INSL6: variants seen among roughly 807,000 people sequenced by gnomAD.
The protein encoded by INSL6 is insulin like 6, also known as insulin-like peptide INSL6.
INSL6 carries 16 observed loss-of-function variants against 9.4 expected under a neutral mutation model. That is an observed-to-expected ratio of 1.70 (90% confidence interval 1.15 to 2.59). The LOEUF is 2.59. Ranked by LOEUF, INSL6 falls within the 30% of genes most tolerant of loss-of-function variation. The pLI is 0.00. For missense variants in INSL6, 391 were observed against 257.3 expected (o/e 1.52, Z -3.56); for synonymous variants, 154 against 96.9 (o/e 1.59, Z -3.46).
At chr9:5,034,204 A>G in the INSL6 span, among the ~76,000 whole-genome samples, 1 of 152,340 alleles carries the variant, frequency 6.6e-6, no homozygotes, top group East Asian at 1.9e-4. Context: ...TCCTAAATAT[A>G]TATGCACCCA....
the INSL6 span, among the ~76,000 whole-genome samples, chr9:5,105,531 C>T: frequency 1.3e-5 from 2 of 152,186 alleles, no homozygotes; most frequent in East Asian, 3.8e-4. Context: ...ATCAAGCTAC[C>T]AATGACTTTT....
intron 1 of INSL6, 76 bp from the exon 2 acceptor site, chr9:5,164,341 A>C (rs936436544): frequency 2.3e-6 from 2 of 883,884 alleles, no homozygotes; most frequent in African/African-American, 3.4e-5. Flanking sequence ...TGGAACAGTA[A>C]AATCAGCTAA....
chr9:5,160,490 A>G (rs191017841), downstream of INSL6, among the ~76,000 whole-genome samples: 304 of 152,316 alleles, frequency 2.0e-3, 2 homozygotes, highest in Non-Finnish European at 3.4e-4. Context: ...AAGTGCCTAC[A>G]TCAGAAAGGC....
chr9:5,078,290 C>T, the INSL6 span: 1,140 of 1,602,904 alleles, frequency 7.1e-4, 10 homozygotes, highest in African/African-American at 0.013. Context: ...AATATATGTG[C>T]GTTTAACTCT....
chr9:5,008,022 C>T, the INSL6 span, among the ~76,000 whole-genome samples: 4 of 152,156 alleles, frequency 2.6e-5, no homozygotes, highest in African/African-American at 9.7e-5. Context: ...AGCCACCGCG[C>T]CTGGCCCTAA....
At chr9:5,129,295 A>ATTTTC (rs1224840404) in intron 3 of INSL6, among the ~76,000 whole-genome samples, 1 of 151,854 alleles carries the variant, frequency 6.6e-6, no homozygotes, top group African/African-American at 2.4e-5. Flanking sequence ...TTCAGAAGCG[A>ATTTTC]TTTTCTTTTG....
chr9:5,066,886 T>C, the INSL6 span: 1 of 489,592 alleles, frequency 2.0e-6, no homozygotes, highest in South Asian at 5.0e-5. Context: ...ATACTGAGAA[T>C]TATAGCTTTG....
chr9:5,021,651 G>A, the INSL6 span, among the ~76,000 whole-genome samples: 4 of 152,156 alleles, frequency 2.6e-5, no homozygotes, highest in African/African-American at 7.2e-5. Flanking sequence ...TTTTGAGACA[G>A]GGTCTTGCTG....
chr9:5,114,345 C>G, the INSL6 span: 2 of 536,642 alleles, frequency 3.7e-6, no homozygotes, highest in East Asian at 4.5e-5. Context: ...CATCCTAAGG[C>G]AAGAGAAGCA....
downstream of INSL6, among the ~76,000 whole-genome samples, chr9:5,121,492 G>C (rs147889348): frequency 4.7e-3 from 719 of 152,248 alleles, 4 homozygotes; most frequent in African/African-American, 0.016. Flanking sequence ...TAGTTTTGCA[G>C]CTTGGAAGGA....
the INSL6 span, among the ~76,000 whole-genome samples, chr9:5,062,647 A>G: frequency 1.4e-4 from 21 of 152,118 alleles, no homozygotes; most frequent in Non-Finnish European, 1.5e-4. Flanking sequence ...AATATTTACA[A>G]CTTTGATAGA....
chr9:5,071,918 T>C, the INSL6 span, among the ~76,000 whole-genome samples: 2 of 152,246 alleles, frequency 1.3e-5, no homozygotes, highest in African/African-American at 2.4e-5. Context: ...TTAGTAGTAA[T>C]AGCTGATACT....
chr9:5,103,260 GA>G, the INSL6 span, among the ~76,000 whole-genome samples: 3 of 117,876 alleles, frequency 2.5e-5, no homozygotes, highest in Non-Finnish European at 5.0e-5. Flanking sequence ...AAAAAAGCAG[GA>G]GTTGCAATCC....
At chr9:5,012,553 G>C in the INSL6 span, among the ~76,000 whole-genome samples, 1 of 152,066 alleles carries the variant, frequency 6.6e-6, no homozygotes, top group Non-Finnish European at 1.5e-5. Flanking sequence ...ATTAAGGGAG[G>C]CAACCCAGCC....
At chr9:5,015,423 A>G in the INSL6 span, among the ~76,000 whole-genome samples, 2 of 152,256 alleles carry the variant, frequency 1.3e-5, no homozygotes, top group African/African-American at 2.4e-5. Context: ...TTGAGTTGAC[A>G]TATGCACAAA....
At chr9:4,998,691 T>A in the INSL6 span, among the ~76,000 whole-genome samples, 1 of 151,584 alleles carries the variant, frequency 6.6e-6, no homozygotes, top group Non-Finnish European at 1.5e-5. Flanking sequence ...TCATTAAGCA[T>A]GATTCTAAGA....
chr9:5,131,377 G>A (rs539260835), intron 3 of INSL6, among the ~76,000 whole-genome samples: 2 of 149,012 alleles, frequency 1.3e-5, no homozygotes, highest in African/African-American at 5.0e-5. Context: ...CAGAATCAAA[G>A]ACTTCATCTT....
the INSL6 span, among the ~76,000 whole-genome samples, chr9:5,046,095 T>C: frequency 3.3e-5 from 5 of 152,184 alleles, no homozygotes; most frequent in Admixed American, 6.5e-5. Context: ...GGTGGTATCA[T>C]TGTGATTTTG....
At chr9:5,076,357 T>C in the INSL6 span, among the ~76,000 whole-genome samples, 4 of 152,168 alleles carry the variant, frequency 2.6e-5, no homozygotes, top group South Asian at 2.1e-4. Flanking sequence ...GTGAATTTCA[T>C]TGTTGTCTTA....
Sources: gnomAD v4.1 joint callset for allele counts (sites outside exome capture counted in the v4.1 genomes callset) on GRCh38, gnomAD v4.1.1 for gene constraint, MANE v1.5 for transcripts, NCBI Gene and HGNC (gene_info 2026-07-23, HGNC 2026-07-21) for gene names.